Variants in UPK3A observed in about 807,000 individuals in gnomAD.
UPK3A encodes uroplakin 3A, also known as uroplakin-3a.
A neutral mutation model predicts 27.6 loss-of-function variants in UPK3A; 32 were observed. That is an observed-to-expected ratio of 1.16 (90% CI 0.87 to 1.55). The LOEUF (loss-of-function observed/expected upper bound fraction) is 1.55, where lower values mean the gene tolerates loss of function less well. UPK3A is among the 40% of genes most tolerant of loss of function. The probability of loss-of-function intolerance (pLI) is 0.00; values close to 1 mark genes in which losing one functional copy is unlikely to be tolerated. For synonymous variants in UPK3A, 171 were observed against 163.9 expected (o/e 1.04, Z -0.33); for missense variants, 370 against 367.9 (o/e 1.01, Z -0.05).
chr22:45,295,505 G>A, intron 5 of UPK3A, 55 bp from the exon 6 acceptor site: 1 of 1,600,038 alleles, frequency 6.2e-7, no homozygotes. Flanking sequence ...GCAGCTAAAG[G>A]CATTTGGGTT....
At position 45,295,602 on chromosome 22, in the gene UPK3A, A is replaced by G. The variant is rs1445087363; in HGVS notation, c.747A>G (p.Gln249=). 1.1e-5 allele frequency: 18 copies of G among 1,614,066 alleles called. No homozygotes were observed. The highest frequency in any genetic ancestry group is 1.1e-4 in the South Asian group (10 of 91,086). The change falls in exon 6 of 6, where the codon CAA becomes CAG. Residue 249 remains glutamine, a synonymous_variant. Transcript: ENST00000216211. The part of the protein sequence containing the change: ...SSDGETTHDS[Q]ITQEAVPKSL... ...ATGGGGAAACGACTCACGACTCCCA[A>G]ATCACTCAGGAGGCTGTTCCCAAGT...
At chr22:45,291,826 G>C (rs1453193346) in intron 4 of UPK3A, among the ~76,000 whole-genome samples, 1 of 151,366 alleles carries the variant, frequency 6.6e-6, no homozygotes, top group Admixed American at 6.6e-5. Flanking sequence ...GAGTTGGTGT[G>C]TGGTGTCTGA....
chr22:45,295,594 G>A lies in UPK3A; in HGVS notation c.739G>A (p.Asp247Asn), dbSNP rs774696804. ...MGSSDGETTH[D>N]SQITQEAVPK... ...GAGTTCTGATGGGGAAACGACTCAC[G>A]ACTCCCAAATCACTCAGGAGGCTGT... Residue 247 changes from aspartate (D) to asparagine (N), a missense_variant, in exon 6 of 6, where the codon GAC becomes AAC. Coordinates refer to ENST00000216211, the MANE Select transcript of UPK3A (RefSeq NM_006953.4). 19 of 1,613,926 alleles carry A rather than the reference G, an allele frequency of 1.2e-5. No individual in the cohort carries two copies. Among genetic ancestry groups the A allele is most frequent in the African/African-American group, 2.7e-5 (2 of 74,902 alleles).
Position 45,286,028 on chromosome 22 carries a change from G to A in UPK3A, c.140G>A (p.Cys47Tyr). 1 of 1,614,166 alleles carries A rather than the reference G, an allele frequency of 6.2e-7. No homozygotes were observed. Among genetic ancestry groups the A allele is most frequent in the Non-Finnish European group, 8.5e-7 (1 of 1,180,022 alleles). ...ACTGTGGCCTTGGAAAAGCCTCTCT[G>A]CATGTTTGACAGCAAAGAGGCCCTC... The part of the protein sequence containing the change: ...LTTVALEKPL[C>Y]MFDSKEALTG... Residue 47 changes from cysteine to tyrosine, a missense_variant, in exon 2 of 6, where the codon TGC becomes TAC. Transcript: ENST00000216211.
At chr22:45,292,920 G>A (rs1455116224) in intron 4 of UPK3A, among the ~76,000 whole-genome samples, 1 of 144,654 alleles carries the variant, frequency 6.9e-6, no homozygotes, top group Admixed American at 6.8e-5. Context: ...AAACAATAAC[G>A]TAAAATAATG....
intron 4 of UPK3A, among the ~76,000 whole-genome samples, chr22:45,291,602 AGT>A (rs1291150885): frequency 7.8e-6 from 1 of 128,796 alleles, no homozygotes; most frequent in Non-Finnish European, 1.6e-5. Context: ...GTGGTGTCTG[AGT>A]GTGACTGTGT....
intron 3 of UPK3A, 32 bp from the exon 4 acceptor site, chr22:45,289,029 A>T: frequency 6.2e-7 from 1 of 1,611,574 alleles, no homozygotes; most frequent in South Asian, 1.1e-5. Context: ...CACAGGAAGC[A>T]TAAAAGTCAC....
intron 1 of UPK3A, 47 bp from the exon 2 acceptor site, chr22:45,285,894 G>C: frequency 6.2e-7 from 1 of 1,612,158 alleles, no homozygotes; most frequent in Non-Finnish European, 8.5e-7. Flanking sequence ...GAGTGGGTGT[G>C]GACAGTTCTG....
chr22:45,285,823 G>GC (rs2084113691), intron 1 of UPK3A, 118 bp from the exon 2 acceptor site: 2 of 1,434,696 alleles, frequency 1.4e-6, no homozygotes, highest in Non-Finnish European at 9.6e-7. Flanking sequence ...TTATGCGGTG[G>GC]CCCAGGGGGA....
At chr22:45,289,430 G>C (rs1489740590) in intron 4 of UPK3A, among the ~76,000 whole-genome samples, 9 of 151,908 alleles carry the variant, frequency 5.9e-5, no homozygotes, top group Non-Finnish European at 4.4e-5. Flanking sequence ...AAAAACAAAA[G>C]TAGCCAGGCG....
intron 2 of UPK3A, 88 bp from the exon 3 acceptor site, chr22:45,287,084 A>G: frequency 1.9e-6 from 3 of 1,593,888 alleles, no homozygotes; most frequent in Non-Finnish European, 1.7e-6. Flanking sequence ...CTGGGGCAGA[A>G]AGGATGATCA....
intron 5 of UPK3A, among the ~76,000 whole-genome samples, chr22:45,295,356 A>G (rs2084187905): frequency 6.6e-6 from 1 of 152,134 alleles, no homozygotes; most frequent in African/African-American, 2.4e-5. Context: ...TAAGTTGTTC[A>G]CATCATTCCA....
intron 3 of UPK3A, 92 bp from the exon 4 acceptor site, chr22:45,288,969 C>T: frequency 1.5e-6 from 2 of 1,297,460 alleles, no homozygotes; most frequent in Non-Finnish European, 2.2e-6. Context: ...TGCCGTCTCC[C>T]ACCCCTAGGC....
chr22:45,289,160 G>A lies in UPK3A; in HGVS notation c.571+17G>A. Reference sequence around the variant, plus strand: ...CCAACCAGCGTAAGTGGTGGGCAGTGGTGGTGGTGATGCTCAAGGGGACCC... The same window carrying A: ...CCAACCAGCGTAAGTGGTGGGCAGTAGTGGTGGTGATGCTCAAGGGGACCC... On this transcript the variant is annotated intron_variant, in intron 4 of 5. Transcript: ENST00000216211. The A allele has an allele frequency of 6.2e-7, 1 of 1,610,624 alleles. No individual in the cohort carries two copies. Among genetic ancestry groups the A allele is most frequent in the Non-Finnish European group, 8.5e-7 (1 of 1,177,394 alleles).
At chr22:45,295,275 G>GC (rs2147799477) in intron 5 of UPK3A, among the ~76,000 whole-genome samples, 1 of 152,176 alleles carries the variant, frequency 6.6e-6, no homozygotes, top group East Asian at 1.9e-4. Context: ...CAGTCAGTCT[G>GC]CCCCTGCAAC....
chr22:45,291,454 C>T (rs1436430327), intron 4 of UPK3A, among the ~76,000 whole-genome samples: 1 of 137,292 alleles, frequency 7.3e-6, no homozygotes, highest in African/African-American at 2.8e-5. Context: ...GAGAGTGTGG[C>T]AGGTGTGTGT....
chr22:45,291,124 CT>C (rs1350303082), intron 4 of UPK3A, among the ~76,000 whole-genome samples: 8 of 152,336 alleles, frequency 5.3e-5, no homozygotes, highest in African/African-American at 1.9e-4. Flanking sequence ...GAAAACCTGT[CT>C]TCCACAAAAC....
In UPK3A at chr22:45,289,120, C is replaced by T. The variant is rs766882444; in HGVS notation, c.548C>T (p.Ser183Leu). The T allele has an allele frequency of 6.8e-6, 11 of 1,614,022 alleles. No homozygotes were observed. Among genetic ancestry groups the T allele is most frequent in the Admixed American group, 5.0e-5 (3 of 60,020 alleles). ...TTGGTAGAGGACCAGACCCTGTGGTCAGACCCCATCCGCACCAACCAGCGT... is the reference window on the plus strand; with the variant it reads ...TTGGTAGAGGACCAGACCCTGTGGTTAGACCCCATCCGCACCAACCAGCGT... ...TGLVEDQTLWSDPIRTNQLTP... is the reference protein window; with the variant it reads ...TGLVEDQTLWLDPIRTNQLTP... The change falls in exon 4 of 6, where the codon TCA becomes TTA. Residue 183 changes from serine to leucine, a missense_variant. By Grantham distance (145) the Ser-to-Leu change is moderately radical. Coordinates refer to ENST00000216211, the MANE Select transcript of UPK3A (RefSeq NM_006953.4).
intron 5 of UPK3A, 109 bp downstream of exon 5, chr22:45,293,422 C>T: frequency 6.9e-7 from 1 of 1,442,762 alleles, no homozygotes; most frequent in East Asian, 2.3e-5. Context: ...GCCCGGAAGG[C>T]AAGGAAGCTA....
Sources: gnomAD v4.1 joint callset for allele counts (sites outside exome capture counted in the v4.1 genomes callset) on GRCh38, gnomAD v4.1.1 for gene constraint, MANE v1.5 for transcripts, NCBI Gene and HGNC (gene_info 2026-07-23, HGNC 2026-07-21) for gene names.